ANK3: variants seen among roughly 807,000 people sequenced by gnomAD.
ANK3 encodes the protein ankyrin 3, also known as ankyrin-3.
ANK3 carries 57 observed loss-of-function variants against 370.9 expected under a neutral mutation model. That is an observed-to-expected ratio of 0.15 (90% CI 0.12 to 0.19). The LOEUF (loss-of-function observed/expected upper bound fraction) is 0.19. Ranked by LOEUF, ANK3 falls within the 10% of genes least tolerant of loss-of-function variation. ANK3 has a pLI of 1.00. For missense variants in ANK3, 4,439 were observed against 5,302.1 expected (o/e 0.84, Z 5.06); for synonymous variants, 1,929 against 1,946.3 (o/e 0.99, Z 0.23).
intron 1 of ANK3, among the ~76,000 whole-genome samples, chr10:60,344,809 A>G (rs1051875287): frequency 6.6e-6 from 1 of 152,230 alleles, no homozygotes; most frequent in Non-Finnish European, 1.5e-5. Flanking sequence ...AGATATGTGT[A>G]TCAATCAAAT....
At chr10:60,091,608 T>C (rs1359772900) in intron 28 of ANK3, among the ~76,000 whole-genome samples, 2 of 151,768 alleles carry the variant, frequency 1.3e-5, no homozygotes, top group Admixed American at 6.6e-5. Context: ...GGAGGGAGGA[T>C]AGGAGGGAGC....
intron 1 of ANK3, among the ~76,000 whole-genome samples, chr10:60,697,503 A>G (rs2079477875): frequency 6.6e-6 from 1 of 150,794 alleles, no homozygotes; most frequent in South Asian, 2.2e-4. Flanking sequence ...ACTTCAAACT[A>G]TACTTCAAGG....
intron 24 of ANK3, 34 bp from the exon 25 acceptor site, chr10:60,134,407 T>C (rs367596191): frequency 3.9e-6 from 6 of 1,531,786 alleles, no homozygotes; most frequent in Non-Finnish European, 4.5e-6. Context: ...TCAACAGTGG[T>C]AGATGATGAT....
intron 1 of ANK3, among the ~76,000 whole-genome samples, chr10:60,655,437 G>A (rs777375671): frequency 4.0e-4 from 61 of 151,666 alleles, no homozygotes; most frequent in Non-Finnish European, 2.5e-4. Context: ...AAACAGAGAC[G>A]TTTAAAGAGG....
In ANK3 at chr10:60,200,237, A is replaced by G. The variant is rs1401208216; in HGVS notation, c.1393-10T>C. The G allele has an allele frequency of 6.2e-7, 1 of 1,610,688 alleles. No individual in the cohort carries two copies. The highest frequency in any genetic ancestry group is 8.5e-7 in the Non-Finnish European group (1 of 1,176,980). On this transcript the variant is annotated splice_polypyrimidine_tract_variant and intron_variant, in intron 12 of 43. Transcript: ENST00000280772. The stretch of plus-strand genomic sequence containing the variant: ...GTGCTGTTTCTCCTCTCTGGGGAAC[A>G]TGAGCCAAAGTAAATTAGCTGCAGC...
intron 23 of ANK3, among the ~76,000 whole-genome samples, chr10:60,144,883 T>G (rs567736462): frequency 6.6e-6 from 1 of 152,312 alleles, no homozygotes; most frequent in Admixed American, 6.5e-5. Flanking sequence ...TCCTTTTTCA[T>G]GTCGAATAAA....
intron 1 of ANK3, among the ~76,000 whole-genome samples, chr10:60,360,282 T>C (rs183312016): frequency 1.6e-3 from 244 of 152,356 alleles, no homozygotes; most frequent in Admixed American, 1.7e-3. Context: ...AACAATTCTT[T>C]TATTCCAGGG....
At chr10:60,390,862 A>G (rs1349830966), upstream of ANK3, among the ~76,000 whole-genome samples, 1 of 152,084 alleles carries the variant, frequency 6.6e-6, no homozygotes, top group African/African-American at 2.4e-5. Flanking sequence ...ACAAAAGTCC[A>G]TAACTTTGGC....
intron 28 of ANK3, among the ~76,000 whole-genome samples, chr10:60,089,259 G>T (rs1177926603): frequency 6.6e-6 from 1 of 152,144 alleles, no homozygotes; most frequent in Admixed American, 6.5e-5. Context: ...TCTAGGAAGG[G>T]TTTACAATCT....
At chr10:60,532,588 AAC>A (rs1411285402) in intron 2 of ANK3, among the ~76,000 whole-genome samples, 4 of 151,862 alleles carry the variant, frequency 2.6e-5, no homozygotes, top group African/African-American at 9.7e-5. Flanking sequence ...CCCTTGTTAA[AAC>A]ACAGATTGCG....
intron 1 of ANK3, among the ~76,000 whole-genome samples, chr10:60,321,281 A>T: frequency 6.6e-6 from 1 of 152,020 alleles, no homozygotes; most frequent in East Asian, 1.9e-4. Context: ...CCAGCTACTC[A>T]AGAGGCTGAG....
At chr10:60,448,048 G>A (rs2064497636) in intron 2 of ANK3, among the ~76,000 whole-genome samples, 1 of 152,142 alleles carries the variant, frequency 6.6e-6, no homozygotes, top group Non-Finnish European at 1.5e-5. Context: ...CCTTTGCAAA[G>A]CCCATTCATT....
intron 2 of ANK3, among the ~76,000 whole-genome samples, chr10:60,486,851 T>C (rs2075362606): frequency 6.6e-6 from 1 of 152,170 alleles, no homozygotes; most frequent in African/African-American, 2.4e-5. Context: ...CTGTAGTATA[T>C]ACAGCAATGC....
At chr10:60,269,668 A>G (rs1285558662) in intron 5 of ANK3, among the ~76,000 whole-genome samples, 2 of 134,186 alleles carry the variant, frequency 1.5e-5, no homozygotes, top group Non-Finnish European at 3.1e-5. Flanking sequence ...CAAAAAAAGT[A>G]CCATAGTTTT....
At position 60,055,671 on chromosome 10, in the gene ANK3, C is replaced by A; in HGVS notation, c.13052G>T (p.Gly4351Val). Residue 4351 changes from glycine to valine, a missense_variant, in exon 42 of 44, where the codon GGG becomes GTG. Physicochemically the swap from Gly to Val is moderately radical, Grantham distance 109 (BLOSUM62 -3). This residue lies in a region of ANK3 where 242 missense variants were observed against 228.0 expected (regional missense o/e 1.06). Coordinates refer to ENST00000280772, the MANE Select transcript of ANK3 (RefSeq NM_020987.5). ...CAGATGACGTACCTTTTGCTCAGAC[C>A]CACTGGACCCCTCTTCTTCATGGAG... ...LSLHEEEGSS[G>V]SEQKQGEGFK... is the part of the protein sequence containing the mutation. 1 of 1,609,814 alleles carries A rather than the reference C, an allele frequency of 6.2e-7. No individual in the cohort carries two copies. The highest frequency in any genetic ancestry group is 1.1e-5 in the South Asian group (1 of 90,562).
intron 2 of ANK3, among the ~76,000 whole-genome samples, chr10:60,498,577 G>A (rs1394989034): frequency 6.6e-6 from 1 of 151,998 alleles, no homozygotes; most frequent in Non-Finnish European, 1.5e-5. Flanking sequence ...TTCTCGTAGC[G>A]ACACAGTCTC....
At position 60,132,383 on chromosome 10, in the gene ANK3, G is replaced by A. The variant is rs539089003; in HGVS notation, c.2841+1888C>T. Among the ~76,000 whole-genome samples the A allele has an allele frequency of 2.0e-3, 309 of 152,178 alleles. 3 individuals carry two copies. Among genetic ancestry groups the A allele is most frequent in the African/African-American group, 7.1e-3 (293 of 41,514 alleles). On this transcript the variant is annotated intron_variant, in intron 25 of 43. Transcript: ENST00000280772. ...GGCAGGTATTTCCCGTGCTGTTCTC[G>A]TGATACTGAATAAGTCTCACAAGAT... is the stretch of plus-strand genomic sequence containing the variant.
intron 2 of ANK3, among the ~76,000 whole-genome samples, chr10:60,606,618 G>T (rs537794738): frequency 1.3e-5 from 2 of 152,230 alleles, no homozygotes; most frequent in African/African-American, 4.8e-5. Context: ...GGCCACATTT[G>T]ACATCATTGG....
At chr10:60,697,506 C>G (rs1466729445) in intron 1 of ANK3, among the ~76,000 whole-genome samples, 1 of 150,742 alleles carries the variant, frequency 6.6e-6, no homozygotes, top group Non-Finnish European at 1.5e-5. Context: ...TCAAACTATA[C>G]TTCAAGGCTA....
Sources: allele counts gnomAD v4.1 joint callset (sites outside exome capture counted in the v4.1 genomes callset), GRCh38; gene constraint gnomAD v4.1.1; regional missense constraint gnomAD v4.1.1; transcripts MANE v1.5; gene names NCBI Gene and HGNC (gene_info 2026-07-23, HGNC 2026-07-21).